AUTS2: variants seen among roughly 807,000 people sequenced by gnomAD.
AUTS2 encodes the protein autism susceptibility gene 2 protein.
Under a neutral mutation model 112.4 loss-of-function variants are expected in AUTS2, and 17 were observed. The ratio of observed to expected loss-of-function variants is 0.15; its 90% CI spans 0.10 to 0.23. AUTS2 has a LOEUF of 0.23. Among genes scored for constraint, AUTS2 ranks in the 10% least tolerant of loss-of-function variants. The pLI, the probability that AUTS2 is intolerant of heterozygous loss-of-function variation, is 1.00. For missense variants in AUTS2, 1,510 were observed against 1,701.6 expected (o/e 0.89, Z 1.98); for synonymous variants, 751 against 702.7 (o/e 1.07, Z -1.09).
intron 1 of AUTS2, among the ~76,000 whole-genome samples, chr7:69,668,663 C>A (rs1186628407): frequency 1.3e-5 from 2 of 152,138 alleles, no homozygotes; most frequent in Non-Finnish European, 2.9e-5. Context: ...TGTCACTTGG[C>A]TAGAAAAATG....
intron 5 of AUTS2, among the ~76,000 whole-genome samples, chr7:70,647,965 A>T (rs1242120487): frequency 6.6e-6 from 1 of 152,108 alleles, no homozygotes; most frequent in African/African-American, 2.4e-5. Context: ...AGGAAATGTC[A>T]CCCCATGGCC....
At chr7:70,052,402 A>G (rs1033142393) in intron 2 of AUTS2, among the ~76,000 whole-genome samples, 2 of 152,206 alleles carry the variant, frequency 1.3e-5, no homozygotes, top group Non-Finnish European at 2.9e-5. Flanking sequence ...CCCAGCACCC[A>G]GTGAGGTACA....
At chr7:70,046,617 A>C (rs1801515945) in intron 2 of AUTS2, among the ~76,000 whole-genome samples, 1 of 152,208 alleles carries the variant, frequency 6.6e-6, no homozygotes, top group Admixed American at 6.5e-5. Context: ...TGAGCAAAGA[A>C]GGGAGCTCAT....
chr7:70,582,333 A>C (rs561567151), intron 5 of AUTS2, among the ~76,000 whole-genome samples: 9 of 152,176 alleles, frequency 5.9e-5, no homozygotes, highest in Non-Finnish European at 1.2e-4. Flanking sequence ...CTTCCACGTC[A>C]AGCTGAGTAT....
intron 5 of AUTS2, among the ~76,000 whole-genome samples, chr7:70,602,313 C>T (rs976421211): frequency 1.3e-5 from 2 of 152,206 alleles, no homozygotes; most frequent in Non-Finnish European, 2.9e-5. Flanking sequence ...CAGGAAGTGA[C>T]TTGGCTAATG....
At chr7:70,701,360 A>G (rs955469774) in intron 6 of AUTS2, among the ~76,000 whole-genome samples, 10 of 152,212 alleles carry the variant, frequency 6.6e-5, no homozygotes, top group Admixed American at 1.3e-4. Context: ...GAGCTTGAAT[A>G]AGTCATTTAC....
At position 70,707,918 on chromosome 7, in the gene AUTS2, C is replaced by CA. The variant is rs778656789; in HGVS notation, c.742+9299dup. Among the ~76,000 whole-genome samples, 65 of 152,174 alleles carry CA rather than the reference C, an allele frequency of 4.3e-4. 1 individual carries two copies. Among genetic ancestry groups the CA allele is most frequent in the Admixed American group, 2.0e-4 (3 of 15,284 alleles). ...ACAAGGCCCAAATCTGTGCTGTTAA[C>CA]AGGGAATGGCGTTCTGTGGGCTCCG... On this transcript the variant is annotated intron_variant, in intron 6 of 18. Coordinates refer to ENST00000342771, the MANE Select transcript of AUTS2 (RefSeq NM_015570.4).
intron 4 of AUTS2, among the ~76,000 whole-genome samples, chr7:70,298,656 C>T (rs1295266565): frequency 6.6e-6 from 1 of 152,212 alleles, no homozygotes; most frequent in East Asian, 1.9e-4. Flanking sequence ...CATGAAGGAT[C>T]TATTAAATTA....
chr7:70,166,969 T>C (rs890910906), intron 4 of AUTS2, among the ~76,000 whole-genome samples: 2 of 152,204 alleles, frequency 1.3e-5, no homozygotes, highest in African/African-American at 4.8e-5. Flanking sequence ...TCTGGGCTTA[T>C]GCTTATAATC....
At chr7:70,659,587 T>C (rs1287750009) in intron 5 of AUTS2, among the ~76,000 whole-genome samples, 2 of 152,152 alleles carry the variant, frequency 1.3e-5, no homozygotes, top group African/African-American at 4.8e-5. Flanking sequence ...CTAGAGATTA[T>C]TGCAGGGGTT....
At chr7:70,611,031 G>A (rs991409290) in intron 5 of AUTS2, among the ~76,000 whole-genome samples, 7 of 152,116 alleles carry the variant, frequency 4.6e-5, no homozygotes, top group Non-Finnish European at 8.8e-5. Context: ...GATCATATAC[G>A]AAACATCTTT....
At chr7:70,114,079 A>C (rs1412700799) in intron 2 of AUTS2, among the ~76,000 whole-genome samples, 1 of 152,220 alleles carries the variant, frequency 6.6e-6, no homozygotes, top group Non-Finnish European at 1.5e-5. Flanking sequence ...TCATTGATAG[A>C]ATTACTGCCA....
chr7:70,165,393 A>ATCTCT (rs1562755152), intron 4 of AUTS2, among the ~76,000 whole-genome samples: 1 of 152,214 alleles, frequency 6.6e-6, no homozygotes, highest in African/African-American at 2.4e-5. Context: ...AAGATAAAGA[A>ATCTCT]GTCTTGAAGA....
At chr7:69,725,655 C>T (rs1786474495) in intron 1 of AUTS2, among the ~76,000 whole-genome samples, 1 of 152,044 alleles carries the variant, frequency 6.6e-6, no homozygotes. Context: ...TCTTAAGGGG[C>T]TATGGGAAAT....
intron 5 of AUTS2, among the ~76,000 whole-genome samples, chr7:70,602,382 C>T (rs1309624658): frequency 1.3e-5 from 2 of 152,160 alleles, no homozygotes; most frequent in African/African-American, 4.8e-5. Flanking sequence ...ACACCTGACC[C>T]AGTGTTTTCA....
chr7:69,625,882 A>G (rs552307399), intron 1 of AUTS2, among the ~76,000 whole-genome samples: 1 of 152,242 alleles, frequency 6.6e-6, no homozygotes, highest in East Asian at 1.9e-4. Context: ...AGAAAAAGAC[A>G]GGGAAGGGAA....
chr7:70,689,339 C>T (rs1278913653), intron 5 of AUTS2, among the ~76,000 whole-genome samples: 1 of 152,106 alleles, frequency 6.6e-6, no homozygotes. Flanking sequence ...TGTGATGGCA[C>T]CACTGCACTC....
At chr7:70,018,831 A>C (rs1418873918) in intron 2 of AUTS2, among the ~76,000 whole-genome samples, 1 of 152,228 alleles carries the variant, frequency 6.6e-6, no homozygotes. Flanking sequence ...AATTAATTCA[A>C]CCATTGTGAA....
intron 6 of AUTS2, among the ~76,000 whole-genome samples, chr7:70,709,724 C>T (rs753120438): frequency 6.6e-6 from 1 of 152,176 alleles, no homozygotes; most frequent in African/African-American, 2.4e-5. Context: ...AAAATATTTA[C>T]ATATATCTTT....
Sources: gnomAD v4.1 joint callset for allele counts (sites outside exome capture counted in the v4.1 genomes callset) on GRCh38, gnomAD v4.1.1 for gene constraint, MANE v1.5 for transcripts, NCBI Gene and HGNC (gene_info 2026-07-23, HGNC 2026-07-21) for gene names.